Variants in FNDC3A observed in about 807,000 individuals in gnomAD.
FNDC3A encodes fibronectin type-III domain-containing protein 3A.
FNDC3A carries 32 observed loss-of-function variants against 148.9 expected under a neutral mutation model. That is an observed-to-expected ratio of 0.21 (90% confidence interval 0.16 to 0.29). The LOEUF is 0.29. Ranked by LOEUF, FNDC3A falls within the 10% of genes least tolerant of loss-of-function variation. FNDC3A has a pLI of 1.00. For missense variants in FNDC3A, 1,191 were observed against 1,452.8 expected (o/e 0.82, Z 2.93); for synonymous variants, 472 against 473.6 (o/e 1.00, Z 0.04).
rs766138717 is a variant in FNDC3A at position 49,172,074 on chromosome 13, A to G, written c.1208A>G (p.Asn403Ser). The G allele has an allele frequency of 1.9e-6, 3 of 1,606,396 alleles. No homozygotes were observed. In the South Asian group the frequency reaches 3.3e-5, roughly 18 times the overall value. Residue 403 changes from asparagine (N) to serine (S), a missense_variant, in exon 11 of 26, where the codon AAC (asparagine) becomes AGC (serine). Around this residue, in one of 3 missense-constraint regions of FNDC3A, gnomAD observed 14 missense variants for 35.5 expected, o/e 0.39. Coordinates refer to ENST00000492622, the MANE Select transcript of FNDC3A (RefSeq NM_001079673.2). ...AGTGACAATGGTTCTAAAATCCAAA[A>G]CTTTGTATTAGAATGGGATGAAGTA... is the stretch of plus-strand genomic sequence containing the variant. ...APSDNGSKIQ[N>S]FVLEWDEGKG... is the part of the protein sequence containing the mutation.
intron 2 of FNDC3A, among the ~76,000 whole-genome samples, chr13:49,022,907 A>C (rs2137645822): frequency 6.6e-6 from 1 of 152,274 alleles, no homozygotes; most frequent in Non-Finnish European, 1.5e-5. Context: ...TAGACATAAA[A>C]AGCCTTATGC....
chr13:49,146,744 A>T (rs1242321695), intron 8 of FNDC3A: 2 of 152,226 alleles, frequency 1.3e-5, no homozygotes, highest in African/African-American at 4.8e-5. Flanking sequence ...CTCAAGAAAA[A>T]AATAAAAGTA....
intron 5 of FNDC3A, among the ~76,000 whole-genome samples, chr13:49,135,090 T>A (rs1882278148): frequency 6.6e-6 from 1 of 151,860 alleles, no homozygotes; most frequent in South Asian, 2.1e-4. Context: ...CTCCTGACCT[T>A]GTGATCCACC....
chr13:48,975,844 G>A (rs938778569), upstream of FNDC3A: 15 of 151,572 alleles, frequency 9.9e-5, no homozygotes, highest in African/African-American at 3.4e-4. Context: ...GGGGTTCGGG[G>A]TCCCGGCCGC....
intron 1 of FNDC3A, among the ~76,000 whole-genome samples, chr13:49,005,276 A>G (rs1456163142): frequency 6.6e-6 from 1 of 151,908 alleles, no homozygotes; most frequent in Non-Finnish European, 1.5e-5. Flanking sequence ...TCTTGACACT[A>G]CTGAATTGCA....
At chr13:49,198,833 C>G (rs1886285726) in intron 23 of FNDC3A, among the ~76,000 whole-genome samples, 1 of 152,086 alleles carries the variant, frequency 6.6e-6, no homozygotes, top group African/African-American at 2.4e-5. Context: ...CAAAAGTGTG[C>G]TGTTTTTAAA....
At chr13:49,057,326 A>G (rs941360842) in intron 2 of FNDC3A, among the ~76,000 whole-genome samples, 6 of 152,178 alleles carry the variant, frequency 3.9e-5, no homozygotes, top group Non-Finnish European at 8.8e-5. Flanking sequence ...CTGGATTTAC[A>G]CAGAACATAT....
At chr13:49,093,041 T>C (rs1879286913) in intron 3 of FNDC3A, among the ~76,000 whole-genome samples, 2 of 152,178 alleles carry the variant, frequency 1.3e-5, no homozygotes, top group Non-Finnish European at 2.9e-5. Context: ...TGAAAGTCTT[T>C]TTGATTTCTA....
intron 2 of FNDC3A, among the ~76,000 whole-genome samples, chr13:49,041,827 A>AG (rs1158921847): frequency 6.6e-6 from 1 of 151,756 alleles, no homozygotes; most frequent in African/African-American, 2.4e-5. Flanking sequence ...AAAAAAAAAA[A>AG]AAAGAAAAGA....
intron 1 of FNDC3A, chr13:48,976,799 G>C (rs1951610752): frequency 6.6e-6 from 1 of 152,246 alleles, no homozygotes; most frequent in Non-Finnish European, 1.5e-5. Flanking sequence ...TCCTCTCCCC[G>C]GGCGAGTTAA....
intron 8 of FNDC3A, among the ~76,000 whole-genome samples, chr13:49,152,658 C>T (rs1050603722): frequency 1.4e-5 from 2 of 144,120 alleles, no homozygotes; most frequent in African/African-American, 5.1e-5. Flanking sequence ...CCCAATGCTA[C>T]CCCTCCCCCC....
chr13:49,184,075 T>G (rs1441548306), intron 14 of FNDC3A, among the ~76,000 whole-genome samples: 2 of 152,180 alleles, frequency 1.3e-5, no homozygotes, highest in Non-Finnish European at 2.9e-5. Flanking sequence ...TAAGGAAGTC[T>G]TCTTGGAAAT....
chr13:48,979,337 A>G (rs1022312972), intron 1 of FNDC3A, among the ~76,000 whole-genome samples: 1 of 152,194 alleles, frequency 6.6e-6, no homozygotes, highest in Non-Finnish European at 1.5e-5. Flanking sequence ...TGTGACACCA[A>G]CTGGAATTTA....
At chr13:49,056,376 GA>G (rs1404009479) in intron 2 of FNDC3A, among the ~76,000 whole-genome samples, 1 of 152,008 alleles carries the variant, frequency 6.6e-6, no homozygotes, top group East Asian at 1.9e-4. Flanking sequence ...TTTCTCTCTG[GA>G]AGCTTTTAAG....
At chr13:49,041,546 C>A (rs1280519897) in intron 2 of FNDC3A, among the ~76,000 whole-genome samples, 1 of 152,208 alleles carries the variant, frequency 6.6e-6, no homozygotes, top group Non-Finnish European at 1.5e-5. Context: ...CACAGTGGCT[C>A]ACGCCTGTAA....
intron 2 of FNDC3A, among the ~76,000 whole-genome samples, chr13:49,026,944 A>G (rs180704353): frequency 6.6e-6 from 1 of 152,298 alleles, no homozygotes; most frequent in Non-Finnish European, 1.5e-5. Context: ...ATTGGCTTAT[A>G]TATCCACCCC....
chr13:49,147,712 A>G (rs1883073086), intron 8 of FNDC3A, among the ~76,000 whole-genome samples: 1 of 152,134 alleles, frequency 6.6e-6, no homozygotes, highest in South Asian at 2.1e-4. Context: ...ACATCTCTTC[A>G]ATATACTGAT....
At chr13:48,977,208 T>G (rs1372065777) in intron 1 of FNDC3A, among the ~76,000 whole-genome samples, 1 of 152,116 alleles carries the variant, frequency 6.6e-6, no homozygotes, top group Non-Finnish European at 1.5e-5. Flanking sequence ...GGTATAATCA[T>G]TATGTGTTCA....
At chr13:49,160,554 C>G (rs554127724) in intron 8 of FNDC3A, among the ~76,000 whole-genome samples, 1 of 151,894 alleles carries the variant, frequency 6.6e-6, no homozygotes, top group Non-Finnish European at 1.5e-5. Flanking sequence ...TTTTGTTGAT[C>G]TTTTCAGAAA....
Sources: gnomAD v4.1 joint callset for allele counts (sites outside exome capture counted in the v4.1 genomes callset) on GRCh38, gnomAD v4.1.1 for gene constraint, gnomAD v4.1.1 regional missense constraint, MANE v1.5 for transcripts, NCBI Gene and HGNC (gene_info 2026-07-23, HGNC 2026-07-21) for gene names.